Variants in CMSS1 observed in about 807,000 individuals in gnomAD.
CMSS1 encodes the protein protein CMSS1.
In CMSS1, 33 loss-of-function variants were observed where a neutral mutation model predicts 43.5. The ratio of observed to expected loss-of-function variants is 0.76; its 90% CI spans 0.57 to 1.01. The LOEUF is 1.01. CMSS1 is among the 50% of genes least tolerant of loss of function. The pLI, the probability that CMSS1 is intolerant of heterozygous loss-of-function variation, is 0.00. For missense variants in CMSS1, 313 were observed against 326.4 expected (o/e 0.96, Z 0.32); for synonymous variants, 115 against 117.2 (o/e 0.98, Z 0.12).
chr3:100,008,674 T>G (rs1281034358), intron 1 of CMSS1, among the ~76,000 whole-genome samples: 1 of 152,232 alleles, frequency 6.6e-6, no homozygotes, highest in African/African-American at 2.4e-5. Flanking sequence ...ACAGCAACAT[T>G]CAGCATTGTA....
intron 1 of CMSS1, chr3:100,110,004 G>A (rs964497562): frequency 2.1e-5 from 3 of 141,428 alleles, no homozygotes; most frequent in South Asian, 2.2e-4. Flanking sequence ...TTTCTTGTTC[G>A]AAGAAGAAAG....
chr3:100,068,350 CTGTGTGTGTGTGTGTG>C (rs62958661), intron 1 of CMSS1, among the ~76,000 whole-genome samples: 4 of 149,516 alleles, frequency 2.7e-5, no homozygotes, highest in South Asian at 4.3e-4. Flanking sequence ...GAAAGAGCCT[CTGTGTGTGTGTGTGTG>C]TGTGTGTGTG....
intron 1 of CMSS1, among the ~76,000 whole-genome samples, chr3:99,994,615 A>G (rs375109280): frequency 5.6e-4 from 85 of 152,340 alleles, no homozygotes; most frequent in Middle Eastern, 6.8e-3. Flanking sequence ...GAAATTAAAC[A>G]GCATGTTCCT....
At chr3:100,178,231 G>A in intron 9 of CMSS1, 74 bp from the exon 10 acceptor site, 1 of 843,624 alleles carries the variant, frequency 1.2e-6, no homozygotes, top group Non-Finnish European at 2.0e-6. Context: ...AGGGAGTCCT[G>A]ATGGTTGAAT....
chr3:100,099,919 T>A (rs995616547), intron 1 of CMSS1, among the ~76,000 whole-genome samples: 14 of 152,222 alleles, frequency 9.2e-5, no homozygotes, highest in African/African-American at 3.1e-4. Flanking sequence ...GTTGAAGAAT[T>A]CTGAAGCCAC....
chr3:99,966,566 C>G (rs1381066494), intron 1 of CMSS1, among the ~76,000 whole-genome samples: 1 of 152,156 alleles, frequency 6.6e-6, no homozygotes, highest in Non-Finnish European at 1.5e-5. Flanking sequence ...TATAAACATT[C>G]AACAAGTAGG....
At chr3:99,899,955 C>T (rs564909830) in intron 1 of CMSS1, among the ~76,000 whole-genome samples, 23 of 152,238 alleles carry the variant, frequency 1.5e-4, no homozygotes, top group African/African-American at 4.8e-4. Flanking sequence ...GTGCTAAATA[C>T]GGTGTTCTGG....
chr3:100,066,782 C>CAT (rs2065672879), intron 1 of CMSS1, among the ~76,000 whole-genome samples: 1 of 94,694 alleles, frequency 1.1e-5, no homozygotes, highest in Non-Finnish European at 2.5e-5. Flanking sequence ...CCGCCCGCCT[C>CAT]GGCCTCCCAA....
At chr3:100,129,590 A>G (rs1358105211) in intron 1 of CMSS1, among the ~76,000 whole-genome samples, 1 of 152,222 alleles carries the variant, frequency 6.6e-6, no homozygotes, top group African/African-American at 2.4e-5. Flanking sequence ...CTTGAAAATT[A>G]AAAAGGAAAA....
intron 1 of CMSS1, among the ~76,000 whole-genome samples, chr3:100,128,986 G>C (rs549969796): frequency 6.6e-6 from 1 of 152,104 alleles, no homozygotes; most frequent in East Asian, 1.9e-4. Context: ...TGGCATACAG[G>C]TCTATGAATT....
At chr3:100,162,640 G>A (rs1432689134) in intron 4 of CMSS1, among the ~76,000 whole-genome samples, 2 of 151,866 alleles carry the variant, frequency 1.3e-5, no homozygotes, top group Admixed American at 6.6e-5. Context: ...AGACCTCATC[G>A]CTATTAAAAA....
chr3:100,028,314 T>C (rs6798655), intron 1 of CMSS1, among the ~76,000 whole-genome samples: 140,767 of 152,260 alleles, frequency 0.92, 65,182 homozygotes, highest in African/African-American at 0.98. Flanking sequence ...TCAGCCTTTG[T>C]TCTTACTTAG....
At chr3:100,034,783 C>T (rs948075403) in intron 1 of CMSS1, among the ~76,000 whole-genome samples, 5 of 152,156 alleles carry the variant, frequency 3.3e-5, no homozygotes, top group South Asian at 2.1e-4. Context: ...ATGCTTTAAA[C>T]CTAGACTTTC....
chr3:99,856,554 T>G (rs1943975956), intron 1 of CMSS1, among the ~76,000 whole-genome samples: 1 of 152,242 alleles, frequency 6.6e-6, no homozygotes, highest in African/African-American at 2.4e-5. Context: ...CCAAACTGGC[T>G]TAAAGCAGTA....
At chr3:99,994,149 G>T (rs1709603965) in intron 1 of CMSS1, among the ~76,000 whole-genome samples, 1 of 152,008 alleles carries the variant, frequency 6.6e-6, no homozygotes, top group African/African-American at 2.4e-5. Context: ...ATTCAATCTT[G>T]CTACTCATTA....
intron 1 of CMSS1, chr3:99,931,018 C>T: frequency 6.2e-7 from 1 of 1,613,256 alleles, no homozygotes; most frequent in South Asian, 1.1e-5. Flanking sequence ...CTCTGGAACG[C>T]ATTCTTTAAA....
intron 1 of CMSS1, among the ~76,000 whole-genome samples, chr3:100,123,845 T>C (rs1258796337): frequency 6.6e-6 from 1 of 152,204 alleles, no homozygotes; most frequent in East Asian, 1.9e-4. Context: ...ACTTTGCAGG[T>C]TGGTTAAATT....
At chr3:99,989,004 A>T (rs1007640755) in intron 1 of CMSS1, among the ~76,000 whole-genome samples, 1 of 152,174 alleles carries the variant, frequency 6.6e-6, no homozygotes, top group African/African-American at 2.4e-5. Context: ...TACATTTTTT[A>T]TGGACTTCAA....
intron 1 of CMSS1, among the ~76,000 whole-genome samples, chr3:99,852,438 T>G (rs1253289743): frequency 6.6e-6 from 1 of 151,520 alleles, no homozygotes; most frequent in Non-Finnish European, 1.5e-5. Context: ...GAGAACTTTT[T>G]ATTTATTTTA....
Sources: allele counts gnomAD v4.1 joint callset (sites outside exome capture counted in the v4.1 genomes callset), GRCh38; gene constraint gnomAD v4.1.1; transcripts MANE v1.5; gene names NCBI Gene and HGNC (gene_info 2026-07-23, HGNC 2026-07-21).